Variants in SAMD5 observed in about 807,000 individuals in gnomAD.
The protein encoded by SAMD5 is sterile alpha motif domain-containing protein 5.
In SAMD5, 13 loss-of-function variants were observed where a neutral mutation model predicts 11.3. The observed-to-expected ratio is 1.15, with a 90% confidence interval of 0.75 to 1.83. The LOEUF (loss-of-function observed/expected upper bound fraction) is 1.83. Ranked by LOEUF, SAMD5 falls within the 40% of genes most tolerant of loss-of-function variation. The pLI is 0.00. For synonymous variants in SAMD5, 129 were observed against 111.3 expected (o/e 1.16, Z -1.00); for missense variants, 255 against 239.1 (o/e 1.07, Z -0.44).
At chr6:147,728,312 G>T (rs1342523789) in intron 1 of SAMD5, among the ~76,000 whole-genome samples, 1 of 152,170 alleles carries the variant, frequency 6.6e-6, no homozygotes. Context: ...CAGCTCTTCG[G>T]GAGGCTGAGG....
At chr6:147,940,015 C>T in the SAMD5 span, among the ~76,000 whole-genome samples, 1 of 152,052 alleles carries the variant, frequency 6.6e-6, no homozygotes, top group Non-Finnish European at 1.5e-5. Context: ...GAATAGAAAT[C>T]AGCCAGCAGG....
At chr6:147,539,271 A>G (rs910691785) in intron 1 of SAMD5, among the ~76,000 whole-genome samples, 2 of 100,934 alleles carry the variant, frequency 2.0e-5, no homozygotes, top group African/African-American at 7.9e-5. Flanking sequence ...TTTTGTAATC[A>G]GCCCCTTCAC....
rs568249146 is a variant in SAMD5, at chr6:147,630,923, A to G, written c.163-106394A>G. Among the ~76,000 whole-genome samples the G allele has an allele frequency of 2.0e-5, 3 of 152,318 alleles. No homozygotes were observed. The East Asian group carries it at 5.8e-4, about 29-fold the overall frequency. On this transcript the variant is annotated intron_variant, in intron 1 of 1. Transcript: ENST00000566741. Reference sequence around the variant, plus strand: ...GAAGACAGTCTTCCTTTGGTGTTTAATCACTGCGGGGATGCCTGCTTGATT... The same window carrying G: ...GAAGACAGTCTTCCTTTGGTGTTTAGTCACTGCGGGGATGCCTGCTTGATT...
At chr6:147,638,492 A>T (rs1790264689) in intron 1 of SAMD5, among the ~76,000 whole-genome samples, 1 of 152,204 alleles carries the variant, frequency 6.6e-6, no homozygotes, top group South Asian at 2.1e-4. Flanking sequence ...CTGATGAGGA[A>T]TGGAAGATGT....
the SAMD5 span, among the ~76,000 whole-genome samples, chr6:147,823,604 TATC>T: frequency 6.6e-6 from 1 of 152,144 alleles, no homozygotes; most frequent in Non-Finnish European, 1.5e-5. Flanking sequence ...TCTGCACATG[TATC>T]CTGGAACTTA....
At chr6:147,932,588 TTGTGTGTGTGTGTGTG>T in the SAMD5 span, among the ~76,000 whole-genome samples, 10,101 of 131,206 alleles carry the variant, frequency 0.077, 399 homozygotes, top group African/African-American at 0.12. Flanking sequence ...TCTTACAGAA[TTGTGTGTGTGTGTGTG>T]TGTGTGTGTG....
chr6:147,873,334 G>A, the SAMD5 span, among the ~76,000 whole-genome samples: 6 of 150,364 alleles, frequency 4.0e-5, no homozygotes, highest in African/African-American at 1.2e-4. Context: ...CCAAGATCGC[G>A]CCACTGCACT....
chr6:147,831,723 G>A, the SAMD5 span, among the ~76,000 whole-genome samples: 1 of 152,180 alleles, frequency 6.6e-6, no homozygotes, highest in Admixed American at 6.5e-5. Flanking sequence ...GATCCAGAAA[G>A]GATGTGATCA....
At chr6:147,786,998 G>T in the SAMD5 span, among the ~76,000 whole-genome samples, 1 of 152,198 alleles carries the variant, frequency 6.6e-6, no homozygotes, top group East Asian at 1.9e-4. Flanking sequence ...TCATTAAAGT[G>T]CATTGGAGGA....
intron 1 of SAMD5, among the ~76,000 whole-genome samples, chr6:147,734,622 A>T (rs1298208974): frequency 6.9e-6 from 1 of 144,950 alleles, no homozygotes; most frequent in Non-Finnish European, 1.5e-5. Flanking sequence ...CTGAGGCAGG[A>T]GAATGGCGTG....
intron 1 of SAMD5, among the ~76,000 whole-genome samples, chr6:147,516,101 T>C (rs1204393179): frequency 6.6e-6 from 1 of 152,182 alleles, no homozygotes; most frequent in African/African-American, 2.4e-5. Flanking sequence ...CTGACCACCA[T>C]TAACAAAATA....
chr6:147,817,589 C>T, the SAMD5 span, among the ~76,000 whole-genome samples: 3 of 152,194 alleles, frequency 2.0e-5, no homozygotes, highest in African/African-American at 4.8e-5. Flanking sequence ...ACAGACGCTT[C>T]GCTTTATTAA....
chr6:147,596,858 A>G (rs939527285), intron 1 of SAMD5, among the ~76,000 whole-genome samples: 2 of 152,184 alleles, frequency 1.3e-5, no homozygotes, highest in African/African-American at 4.8e-5. Context: ...TGCCATGTGG[A>G]CCAGTTGCAC....
chr6:147,924,058 G>A, the SAMD5 span, among the ~76,000 whole-genome samples: 15 of 152,240 alleles, frequency 9.9e-5, no homozygotes, highest in East Asian at 3.9e-4. Context: ...ATGGCTGCCC[G>A]CTTCCCTTCC....
chr6:147,551,818 A>G (rs904680279), intron 1 of SAMD5, among the ~76,000 whole-genome samples: 1 of 62,552 alleles, frequency 1.6e-5, no homozygotes, highest in Non-Finnish European at 3.0e-5. Flanking sequence ...TATGTTATAT[A>G]TATATATATA....
the SAMD5 span, among the ~76,000 whole-genome samples, chr6:147,891,993 G>A: frequency 6.6e-6 from 1 of 152,156 alleles, no homozygotes; most frequent in African/African-American, 2.4e-5. Flanking sequence ...CCTCTCCAGT[G>A]AGGAGGGTGC....
At chr6:147,731,398 T>G (rs1331703480) in intron 1 of SAMD5, among the ~76,000 whole-genome samples, 1 of 152,186 alleles carries the variant, frequency 6.6e-6, no homozygotes, top group Non-Finnish European at 1.5e-5. Flanking sequence ...GCTTCTGTAT[T>G]CTTTATAACC....
At chr6:147,604,124 C>A (rs1031042150) in intron 1 of SAMD5, among the ~76,000 whole-genome samples, 2 of 151,698 alleles carry the variant, frequency 1.3e-5, no homozygotes, top group Non-Finnish European at 2.9e-5. Context: ...CGAAGACTGA[C>A]GACTAGAAAA....
the SAMD5 span, among the ~76,000 whole-genome samples, chr6:147,800,534 C>T: frequency 6.6e-5 from 10 of 152,214 alleles, no homozygotes; most frequent in Non-Finnish European, 7.3e-5. Context: ...TTGTCTGTGC[C>T]CTGCCCGCAG....
Sources: gnomAD v4.1 joint callset for allele counts (sites outside exome capture counted in the v4.1 genomes callset) on GRCh38, gnomAD v4.1.1 for gene constraint, MANE v1.5 for transcripts, NCBI Gene and HGNC (gene_info 2026-07-23, HGNC 2026-07-21) for gene names.